Variants in ARHGEF10L observed in about 807,000 individuals in gnomAD.
ARHGEF10L encodes the protein Rho guanine nucleotide exchange factor 10 like, also known as rho guanine nucleotide exchange factor 10-like protein.
Under a neutral mutation model 141.2 loss-of-function variants are expected in ARHGEF10L, and 69 were observed. That is an observed-to-expected ratio of 0.49 (90% confidence interval 0.40 to 0.60). The LOEUF (loss-of-function observed/expected upper bound fraction) is 0.60, where lower values mean the gene tolerates loss of function less well. Among genes scored for constraint, ARHGEF10L ranks in the 20% least tolerant of loss-of-function variants. The pLI, the probability that ARHGEF10L is intolerant of heterozygous loss-of-function variation, is 0.00. For missense variants in ARHGEF10L, 1,482 were observed against 1,734.3 expected (o/e 0.85, Z 2.58); for synonymous variants, 711 against 718.5 (o/e 0.99, Z 0.17).
At chr1:17,555,368 C>CTTT (rs377163805) in intron 1 of ARHGEF10L, among the ~76,000 whole-genome samples, 1 of 144,028 alleles carries the variant, frequency 6.9e-6, no homozygotes, top group African/African-American at 2.5e-5. Context: ...GTTTAAACTA[C>CTTT]TTTTTTTTTT....
chr1:17,588,899 T>TGTG (rs1557758147), intron 4 of ARHGEF10L, among the ~76,000 whole-genome samples: 30 of 30,036 alleles, frequency 1.0e-3, no homozygotes, highest in African/African-American at 1.2e-3. Flanking sequence ...TGTGTGTGTG[T>TGTG]AGTGGGGGAG....
At chr1:17,694,704 C>T (rs990635214) in intron 27 of ARHGEF10L, 27 of 347,044 alleles carry the variant, frequency 7.8e-5, no homozygotes, top group Middle Eastern at 1.1e-3. Flanking sequence ...GAGCCCCACC[C>T]GGCCCTACTT....
chr1:17,680,157 G>A (rs1027692710), intron 26 of ARHGEF10L, among the ~76,000 whole-genome samples: 15 of 151,166 alleles, frequency 9.9e-5, no homozygotes, highest in African/African-American at 3.4e-4. Flanking sequence ...TAGAGTCTCC[G>A]TGAGGTGGGA....
Position 17,687,681 on chromosome 1 carries a change from C to T in ARHGEF10L, c.3118C>T (p.His1040Tyr). ...CTCCGGCACCTCCATCCGCCTCTTC[C>T]ACACTGAGACCCTGGAGCATCTGCA... is the stretch of plus-strand genomic sequence containing the variant. ...FSSGTSIRLF[H>Y]TETLEHLQEI... Residue 1040 changes from histidine to tyrosine, a missense_variant, in exon 27 of 29, where the codon CAC becomes TAC. Physicochemically the swap from His to Tyr is moderately conservative, Grantham distance 83 (BLOSUM62 2). Transcript: ENST00000361221. The T allele has an allele frequency of 1.9e-6, 3 of 1,611,748 alleles. No individual in the cohort carries two copies. The highest frequency in any genetic ancestry group is 2.5e-6 in the Non-Finnish European group (3 of 1,179,204).
At chr1:17,526,629 C>A in the ARHGEF10L span, among the ~76,000 whole-genome samples, 1 of 152,140 alleles carries the variant, frequency 6.6e-6, no homozygotes, top group Non-Finnish European at 1.5e-5. Context: ...GCTGGCCGGG[C>A]ACAGTCACTC....
rs1215788991 is a variant in ARHGEF10L, at chr1:17,656,148, G to A, written c.2705+46G>A. On this transcript the variant is annotated intron_variant, in intron 24 of 28. Coordinates refer to ENST00000361221, the MANE Select transcript of ARHGEF10L (RefSeq NM_018125.4). This position sits in a 1 kb window ranked among gnomAD's most constrained non-coding sequence, Gnocchi z 4.9. ...GGTGAGAGCAGCCTCTGCAGGGCTG[G>A]GCAGTGGGTGGGGGCTGTCCCTGTA... The A allele has an allele frequency of 6.5e-7, 1 of 1,535,826 alleles. No individual in the cohort carries two copies. Among genetic ancestry groups the A allele is most frequent in the South Asian group, 1.2e-5 (1 of 83,468 alleles).
chr1:17,584,755 G>C (rs1261202866), intron 2 of ARHGEF10L, among the ~76,000 whole-genome samples: 2 of 152,190 alleles, frequency 1.3e-5, no homozygotes, highest in Non-Finnish European at 2.9e-5. Context: ...TGAGGCAGGA[G>C]CATGCCTGGC....
chr1:17,638,490 C>T (rs1284861820), intron 19 of ARHGEF10L, 72 bp from the exon 20 acceptor site: 1 of 1,597,394 alleles, frequency 6.3e-7, no homozygotes, highest in Admixed American at 1.7e-5. Context: ...GCTGTGATTC[C>T]TATAGGATCT....
intron 22 of ARHGEF10L, among the ~76,000 whole-genome samples, chr1:17,651,861 G>T (rs981377089): frequency 6.6e-6 from 1 of 152,138 alleles, no homozygotes; most frequent in African/African-American, 2.4e-5. Flanking sequence ...GCCTCAAATC[G>T]CTGTCCCCCT....
chr1:17,655,421 T>C (rs780264437), intron 23 of ARHGEF10L, among the ~76,000 whole-genome samples: 11 of 151,042 alleles, frequency 7.3e-5, no homozygotes, highest in Non-Finnish European at 1.0e-4. Context: ...TCCTTCCATC[T>C]ATCTGTCTAT....
chr1:17,679,467 G>C (rs938116923), intron 26 of ARHGEF10L, among the ~76,000 whole-genome samples: 4 of 152,158 alleles, frequency 2.6e-5, no homozygotes, highest in Admixed American at 1.3e-4. Context: ...TCCTGGGTTT[G>C]GGGCTTCCAG....
the ARHGEF10L span, among the ~76,000 whole-genome samples, chr1:17,527,135 T>G: frequency 6.6e-6 from 1 of 152,180 alleles, no homozygotes; most frequent in Non-Finnish European, 1.5e-5. Flanking sequence ...ACTACCGACT[T>G]GTTTCATCTC....
chr1:17,694,854 T>C (rs1569875552), intron 27 of ARHGEF10L: 3 of 552,648 alleles, frequency 5.4e-6, no homozygotes, highest in Non-Finnish European at 1.0e-5. Context: ...GGCCGCCGTG[T>C]ATTGAGAGCG....
At chr1:17,612,075 A>G (rs1447860909) in intron 7 of ARHGEF10L, among the ~76,000 whole-genome samples, 2 of 149,786 alleles carry the variant, frequency 1.3e-5, no homozygotes, top group African/African-American at 2.5e-5. Context: ...CCTCCCTTTT[A>G]CCCTTCACCC....
At chr1:17,552,491 C>T (rs997885083) in intron 1 of ARHGEF10L, among the ~76,000 whole-genome samples, 5 of 150,660 alleles carry the variant, frequency 3.3e-5, no homozygotes, top group South Asian at 2.1e-4. Flanking sequence ...CTCTGCTTCC[C>T]GGGTTCAAGT....
At chr1:17,693,783 C>T (rs1188694406) in intron 27 of ARHGEF10L, among the ~76,000 whole-genome samples, 1 of 152,146 alleles carries the variant, frequency 6.6e-6, no homozygotes, top group Non-Finnish European at 1.5e-5. Flanking sequence ...GATCCATGGA[C>T]CAGAAGCAGC....
At chr1:17,640,116 G>A (rs2061245285) in intron 20 of ARHGEF10L, 86 bp from the exon 21 acceptor site, 1 of 1,522,782 alleles carries the variant, frequency 6.6e-7, no homozygotes, top group Non-Finnish European at 8.9e-7. Context: ...AGGGCGCGTG[G>A]GTTGGAGGAA....
chr1:17,611,987 C>CCAT lies in ARHGEF10L; in HGVS notation c.610-1069_610-1067dup, dbSNP rs199868430. On this transcript the variant is annotated intron_variant, in intron 7 of 28. Coordinates refer to ENST00000361221, the MANE Select transcript of ARHGEF10L (RefSeq NM_018125.4). ...TTCTCCCATCGGTTTGTCCATCCAT[C>CCAT]CATCCATCCATCCATCCATCCTCCA... is the stretch of plus-strand genomic sequence containing the variant. Among the ~76,000 whole-genome samples the CCAT allele has an allele frequency of 5.3e-3, 811 of 152,184 alleles. 4 individuals carry two copies. The highest frequency in any genetic ancestry group is 0.019 in the African/African-American group (776 of 41,528).
intron 22 of ARHGEF10L, among the ~76,000 whole-genome samples, chr1:17,653,807 C>T (rs1016325604): frequency 3.3e-5 from 5 of 152,234 alleles, no homozygotes; most frequent in African/African-American, 1.2e-4. Flanking sequence ...GGCACGCCTC[C>T]CTCTGACCTT....
Sources: allele counts gnomAD v4.1 joint callset (sites outside exome capture counted in the v4.1 genomes callset), GRCh38; gene constraint gnomAD v4.1.1; non-coding constraint Gnocchi (gnomAD v3.1); transcripts MANE v1.5; gene names NCBI Gene and HGNC (gene_info 2026-07-23, HGNC 2026-07-21).